DACH2: variants seen among roughly 807,000 people sequenced by gnomAD.
The protein encoded by DACH2 is dachshund homolog 2.
DACH2 carries 17 observed loss-of-function variants against 35.8 expected under a neutral mutation model. That is an observed-to-expected ratio of 0.48 (90% CI 0.33 to 0.71). DACH2 has a LOEUF of 0.71. DACH2 is among the 30% of genes least tolerant of loss of function. The pLI is 0.02. For synonymous variants in DACH2, 195 were observed against 177.3 expected, an observed-to-expected ratio of 1.10 and a Z score of -0.79; for missense variants, 469 against 472.7, an observed-to-expected ratio of 0.99 and a Z score of 0.07.
chrX:86,533,425 C>T (rs1159100238), intron 3 of DACH2, among the ~76,000 whole-genome samples: 1 of 111,877 alleles, frequency 8.9e-6, no homozygotes, highest in East Asian at 2.8e-4. Context: ...CTATCATCAT[C>T]TCTGATAACT....
chrX:86,297,290 C>G (rs1230257788), intron 1 of DACH2, among the ~76,000 whole-genome samples: 2 of 110,450 alleles, frequency 1.8e-5, no homozygotes, highest in African/African-American at 3.3e-5. Context: ...ATCTAGCTCT[C>G]ACTCTAATCT....
chrX:86,525,186 GA>G (rs1335543074), intron 3 of DACH2, among the ~76,000 whole-genome samples: 2 of 110,415 alleles, frequency 1.8e-5, no homozygotes, highest in African/African-American at 3.3e-5. Flanking sequence ...AACTATCTCT[GA>G]AAAAAACAAA....
chrX:86,681,605 C>A (rs1376512295), intron 4 of DACH2, among the ~76,000 whole-genome samples: 1 of 101,685 alleles, frequency 9.8e-6, no homozygotes, highest in African/African-American at 3.6e-5. Flanking sequence ...CTCTCTCTCT[C>A]TCTCTATATA....
chrX:86,665,151 A>G (rs1035850055), intron 4 of DACH2, among the ~76,000 whole-genome samples: 9 of 112,301 alleles, frequency 8.0e-5, no homozygotes, highest in African/African-American at 2.3e-4. Context: ...TCAGCATGCC[A>G]TTTATAAACA....
Position 86,268,490 on chromosome X carries a change from ATTTATTTTATTTTATTTTAT to A in DACH2, c.489-108291_489-108272del, listed in dbSNP as rs200042636. ...AAAATTTTTTTCATTCATTTAAAACATTTATTTTATTTTATTTTATTTTATTTTATTTTATTTTATTTTAT... is the reference window on the plus strand; with the variant it reads ...AAAATTTTTTTCATTCATTTAAAACATTTATTTTATTTTATTTTATTTTAT... On this transcript the variant is annotated intron_variant, in intron 1 of 11. Transcript: ENST00000373125. 2.7e-3 allele frequency among the ~76,000 whole-genome samples: 211 copies of A among 77,182 alleles called. 2 individuals carry two copies. Among genetic ancestry groups the A allele is most frequent in the South Asian group, 7.5e-3 (10 of 1,332 alleles). The allele number at this position is 77,182 out of a possible 115,157, so 67.0% of individuals were successfully genotyped here. A position where few individuals can be genotyped will look rare whatever the true frequency, so the allele number is the denominator to read the frequency against.
intron 2 of DACH2, among the ~76,000 whole-genome samples, chrX:86,468,319 A>G (rs1487080619): frequency 9.0e-6 from 1 of 111,254 alleles, no homozygotes; most frequent in Non-Finnish European, 1.9e-5. Context: ...GTAGTCAGCT[A>G]TCACTGTGGA....
intron 11 of DACH2, among the ~76,000 whole-genome samples, chrX:86,823,822 G>A (rs914593987): frequency 9.0e-6 from 1 of 110,772 alleles, no homozygotes; most frequent in Non-Finnish European, 1.9e-5. Context: ...TTTCAAAAGG[G>A]GAGGGGGTGC....
At chrX:86,326,023 C>T (rs763884166) in intron 1 of DACH2, among the ~76,000 whole-genome samples, 1 of 110,914 alleles carries the variant, frequency 9.0e-6, no homozygotes, top group African/African-American at 3.3e-5. Context: ...AAACATCTAT[C>T]AAGTTTTTGC....
chrX:86,381,929 T>TA (rs34798661), intron 2 of DACH2, among the ~76,000 whole-genome samples: 4,931 of 110,523 alleles, frequency 0.045, 143 homozygotes, highest in East Asian at 0.2. Context: ...AATGCTGAAA[T>TA]AAAAAAACAA....
chrX:86,822,082 C>T (rs974136046), intron 11 of DACH2, among the ~76,000 whole-genome samples: 1 of 111,679 alleles, frequency 9.0e-6, no homozygotes, highest in Non-Finnish European at 1.9e-5. Context: ...ATGCCAACCC[C>T]AACCTAGGTA....
chrX:86,223,121 G>A (rs1323283891), intron 1 of DACH2, among the ~76,000 whole-genome samples: 1 of 111,431 alleles, frequency 9.0e-6, no homozygotes, highest in Non-Finnish European at 1.9e-5. Context: ...CTATTAAATG[G>A]CTATAATGTA....
intron 5 of DACH2, among the ~76,000 whole-genome samples, chrX:86,699,205 C>T (rs992912607): frequency 1.8e-5 from 2 of 111,783 alleles, no homozygotes; most frequent in Non-Finnish European, 3.8e-5. Flanking sequence ...CTAGAACAAA[C>T]GGACCTAAAA....
intron 2 of DACH2, among the ~76,000 whole-genome samples, chrX:86,427,409 C>T (rs1446775071): frequency 4.5e-5 from 5 of 111,199 alleles, no homozygotes; most frequent in Admixed American, 9.6e-5. Context: ...ACCACTTTTT[C>T]TTATCAGTGA....
chrX:86,765,750 C>CT (rs1469595342), intron 7 of DACH2, among the ~76,000 whole-genome samples: 1 of 16,626 alleles, frequency 6.0e-5, no homozygotes, highest in African/African-American at 2.5e-4. Flanking sequence ...TCTATTTGGG[C>CT]TTTTTTTGGT....
intron 2 of DACH2, among the ~76,000 whole-genome samples, chrX:86,470,911 C>T (rs2037751657): frequency 9.0e-6 from 1 of 111,375 alleles, no homozygotes; most frequent in Non-Finnish European, 1.9e-5. Flanking sequence ...AAATAATAAA[C>T]TAAAAACTCA....
intron 7 of DACH2, among the ~76,000 whole-genome samples, chrX:86,807,875 A>C (rs1294025824): frequency 8.9e-6 from 1 of 112,229 alleles, no homozygotes; most frequent in Admixed American, 9.5e-5. Flanking sequence ...TAGCAATCCT[A>C]GCTTTAAGGA....
At chrX:86,327,578 C>T (rs1383511041) in intron 1 of DACH2, among the ~76,000 whole-genome samples, 1 of 108,100 alleles carries the variant, frequency 9.3e-6, no homozygotes, top group Non-Finnish European at 1.9e-5. Context: ...ATCATGAGTA[C>T]AAGAAAAAAG....
intron 3 of DACH2, among the ~76,000 whole-genome samples, chrX:86,628,347 G>A (rs2040160906): frequency 1.8e-5 from 2 of 111,744 alleles, no homozygotes; most frequent in East Asian, 2.8e-4. Context: ...TTAAAGACAT[G>A]AACATTGATT....
chrX:86,779,768 T>C (rs2042071899), intron 7 of DACH2, among the ~76,000 whole-genome samples: 2 of 112,011 alleles, frequency 1.8e-5, no homozygotes, highest in East Asian at 5.6e-4. Flanking sequence ...TGTTAGTTCA[T>C]GTGAGAGGAA....
Sources: allele counts gnomAD v4.1 joint callset (sites outside exome capture counted in the v4.1 genomes callset), GRCh38; gene constraint gnomAD v4.1.1; transcripts MANE v1.5; gene names NCBI Gene and HGNC (gene_info 2026-07-23, HGNC 2026-07-21).